Variants in ANKS1B observed in about 807,000 individuals in gnomAD.
ANKS1B encodes ankyrin repeat and sterile alpha motif domain-containing protein 1B.
In ANKS1B, 36 loss-of-function variants were observed where a neutral mutation model predicts 148.3. The ratio of observed to expected loss-of-function variants is 0.24; its 90% CI spans 0.19 to 0.32. The LOEUF is 0.32. Among genes scored for constraint, ANKS1B ranks in the 10% least tolerant of loss-of-function variants. The probability of loss-of-function intolerance (pLI) is 1.00; values close to 1 mark genes in which losing one functional copy is unlikely to be tolerated. For synonymous variants in ANKS1B, 542 were observed against 560.8 expected, an observed-to-expected ratio of 0.97 and a Z score of 0.47; for missense variants, 1,157 against 1,542.6, an observed-to-expected ratio of 0.75 and a Z score of 4.19.
intron 9 of ANKS1B, among the ~76,000 whole-genome samples, chr12:99,505,426 T>A (rs1249015625): frequency 2.6e-5 from 4 of 151,886 alleles, no homozygotes; most frequent in South Asian, 4.1e-4. Flanking sequence ...TAAATACCAT[T>A]AACTAATATA....
intron 17 of ANKS1B, among the ~76,000 whole-genome samples, chr12:98,997,293 T>C (rs867433897): frequency 6.6e-6 from 1 of 152,154 alleles, no homozygotes; most frequent in Admixed American, 6.5e-5. Context: ...AGGAGATCCT[T>C]TCACTTTGTA....
intron 16 of ANKS1B, among the ~76,000 whole-genome samples, chr12:99,077,573 C>G (rs975916171): frequency 2.0e-5 from 3 of 152,188 alleles, no homozygotes; most frequent in Non-Finnish European, 4.4e-5. Context: ...CCTTTCTAGA[C>G]TTTTAAAGAA....
intron 11 of ANKS1B, among the ~76,000 whole-genome samples, chr12:99,403,318 G>A (rs1326163934): frequency 1.4e-5 from 2 of 142,122 alleles, no homozygotes; most frequent in Non-Finnish European, 3.1e-5. Context: ...TACCATGTCT[G>A]GCTAATTTCT....
intron 17 of ANKS1B, among the ~76,000 whole-genome samples, chr12:99,002,827 G>A (rs573378446): frequency 3.9e-5 from 6 of 151,906 alleles, no homozygotes; most frequent in Non-Finnish European, 7.4e-5. Context: ...TCACAGAAGC[G>A]TTTTAGTCTG....
chr12:98,898,070 G>A (rs1158812643), intron 17 of ANKS1B, among the ~76,000 whole-genome samples: 1 of 152,186 alleles, frequency 6.6e-6, no homozygotes, highest in Admixed American at 6.5e-5. Flanking sequence ...GGGAGGATGG[G>A]AGGGGACTGA....
intron 10 of ANKS1B, among the ~76,000 whole-genome samples, chr12:99,476,581 T>G (rs2152922716): frequency 6.6e-6 from 1 of 152,200 alleles, no homozygotes; most frequent in East Asian, 1.9e-4. Flanking sequence ...CAAATCTAAA[T>G]TATCAACAAC....
At chr12:99,688,074 C>T (rs1429010981) in intron 8 of ANKS1B, among the ~76,000 whole-genome samples, 3 of 152,188 alleles carry the variant, frequency 2.0e-5, no homozygotes, top group Admixed American at 2.0e-4. Context: ...CTTCTGAGTA[C>T]TCTTCCAGTG....
intron 12 of ANKS1B, among the ~76,000 whole-genome samples, chr12:99,340,065 TTTTA>T (rs1043300462): frequency 6.6e-6 from 1 of 152,158 alleles, no homozygotes; most frequent in African/African-American, 2.4e-5. Context: ...GGCATCCTCA[TTTTA>T]TTTATTTATT....
intron 12 of ANKS1B, among the ~76,000 whole-genome samples, chr12:99,395,970 G>A (rs148882513): frequency 4.4e-4 from 67 of 152,138 alleles, no homozygotes; most frequent in Admixed American, 1.0e-3. Context: ...CAGCTATCTC[G>A]GCATAAGCTT....
At chr12:99,505,469 T>A (rs2096701333) in intron 9 of ANKS1B, among the ~76,000 whole-genome samples, 1 of 151,926 alleles carries the variant, frequency 6.6e-6, no homozygotes, top group Non-Finnish European at 1.5e-5. Context: ...GGATAAAATA[T>A]AGGTCCAGTT....
chr12:99,944,279 T>C (rs984920647), intron 1 of ANKS1B, among the ~76,000 whole-genome samples: 1 of 152,206 alleles, frequency 6.6e-6, no homozygotes, highest in African/African-American at 2.4e-5. Context: ...AGTTTGCCCC[T>C]GTGGCTGTAT....
intron 25 of ANKS1B, among the ~76,000 whole-genome samples, chr12:98,752,349 C>T (rs908617423): frequency 6.6e-6 from 1 of 152,070 alleles, no homozygotes; most frequent in African/African-American, 2.4e-5. Context: ...ACCTCCACCT[C>T]CCGGGTTCAA....
intron 8 of ANKS1B, among the ~76,000 whole-genome samples, chr12:99,745,318 G>T (rs887259797): frequency 6.6e-6 from 1 of 152,040 alleles, no homozygotes; most frequent in South Asian, 2.1e-4. Context: ...CTAATGAGAA[G>T]CATAAGAACA....
At chr12:99,467,383 C>T (rs1237368319) in intron 10 of ANKS1B, among the ~76,000 whole-genome samples, 1 of 152,160 alleles carries the variant, frequency 6.6e-6, no homozygotes, top group East Asian at 1.9e-4. Flanking sequence ...TGGCACAAGA[C>T]AGGGATGCCC....
chr12:99,854,360 G>A (rs1404209779), intron 1 of ANKS1B, among the ~76,000 whole-genome samples: 2 of 152,272 alleles, frequency 1.3e-5, no homozygotes, highest in Non-Finnish European at 2.9e-5. Flanking sequence ...AGAGAGAAAA[G>A]AATTTTTAAA....
chr12:99,756,618 A>G (rs566395268), intron 8 of ANKS1B, among the ~76,000 whole-genome samples: 14 of 152,254 alleles, frequency 9.2e-5, no homozygotes, highest in Non-Finnish European at 1.8e-4. Context: ...AAAATATCCA[A>G]GGCAATTCTA....
intron 14 of ANKS1B, among the ~76,000 whole-genome samples, chr12:99,240,674 G>T (rs567422721): frequency 1.3e-5 from 2 of 152,280 alleles, no homozygotes; most frequent in East Asian, 3.9e-4. Context: ...AAATGTAAAA[G>T]AGCAGAAATC....
At chr12:99,526,447 A>G (rs1374365292) in intron 9 of ANKS1B, among the ~76,000 whole-genome samples, 1 of 152,222 alleles carries the variant, frequency 6.6e-6, no homozygotes, top group Non-Finnish European at 1.5e-5. Flanking sequence ...AAAAAATGCT[A>G]AATGCTGGAT....
chr12:98,790,566 T>C lies in ANKS1B; in HGVS notation c.3342+8368A>G, dbSNP rs564690699. 1.1e-4 allele frequency among the ~76,000 whole-genome samples: 17 copies of C among 151,836 alleles called. No homozygotes were observed. In the East Asian group the frequency reaches 3.3e-3, roughly 29 times the overall value. On this transcript the variant is annotated intron_variant, in intron 22 of 26. Coordinates refer to ENST00000683438, the MANE Select transcript of ANKS1B (RefSeq NM_001352186.2). The stretch of plus-strand genomic sequence containing the variant: ...TCAAACTCCTGGCCCCAAGAGATCC[T>C]CTTGCCTCAGTCTCCTAAAGTGCTG...
Sources: gnomAD v4.1 joint callset for allele counts (sites outside exome capture counted in the v4.1 genomes callset) on GRCh38, gnomAD v4.1.1 for gene constraint, MANE v1.5 for transcripts, NCBI Gene and HGNC (gene_info 2026-07-23, HGNC 2026-07-21) for gene names.